Variants in DDX6 observed in about 807,000 individuals in gnomAD.
DDX6 encodes probable ATP-dependent RNA helicase DDX6.
In DDX6, 7 loss-of-function variants were observed where a neutral mutation model predicts 60.6. The observed-to-expected ratio is 0.12, with a 90% CI of 0.07 to 0.22. DDX6 has a LOEUF of 0.22. DDX6 is among the 10% of genes least tolerant of loss of function. The pLI, the probability that DDX6 is intolerant of heterozygous loss-of-function variation, is 1.00. For synonymous variants in DDX6, 207 were observed against 201.0 expected, an observed-to-expected ratio of 1.03 and a Z score of -0.25; for missense variants, 270 against 589.9, an observed-to-expected ratio of 0.46 and a Z score of 5.62.
At chr11:118,787,556 T>C (rs963169730) in intron 1 of DDX6, 1 of 151,896 alleles carries the variant, frequency 6.6e-6, no homozygotes, top group Non-Finnish European at 1.5e-5. Context: ...TCCCAGCTAC[T>C]TGGGAGGCTG....
chr11:118,780,328 T>C (rs1049347568), intron 3 of DDX6, among the ~76,000 whole-genome samples: 5 of 152,040 alleles, frequency 3.3e-5, no homozygotes, highest in Non-Finnish European at 7.4e-5. Flanking sequence ...CCTTCTTTTT[T>C]TCTTCGAGAG....
Position 118,748,832 on chromosome 11 carries a change from T to G in DDX6, c.*3273A>C, listed in dbSNP as rs185228198. Reference sequence around the variant, plus strand: ...TTTATACTCAAGGCTTTGTGCTGAGTTGTCGTTTGAACCAAGCATGATGTT... The same window carrying G: ...TTTATACTCAAGGCTTTGTGCTGAGGTGTCGTTTGAACCAAGCATGATGTT... On this transcript the variant is annotated 3_prime_UTR_variant, in exon 14 of 14. Coordinates refer to ENST00000534980, the MANE Select transcript of DDX6 (RefSeq NM_004397.6). The G allele has an allele frequency of 1.3e-5, 2 of 151,548 alleles. No individual in the cohort carries two copies. The highest frequency in any genetic ancestry group is 6.6e-5 in the Admixed American group (1 of 15,098). The allele number at this position is 151,548 out of a possible 1,614,324, so 9.4% of individuals were successfully genotyped here.
At chr11:118,763,488 G>A (rs1454031485) in intron 6 of DDX6, among the ~76,000 whole-genome samples, 182 bp from the exon 7 acceptor site, 8 of 134 alleles carry the variant, frequency 0.06, no homozygotes, top group Non-Finnish European at 0.1. Flanking sequence ...ACCGACATAC[G>A]TGCAGCCGTC....
rs1555156628 is a variant in DDX6 at position 118,749,356 on chromosome 11, AAG to A, written c.*2747_*2748del. 53 of 106,244 alleles carry A rather than the reference AAG, an allele frequency of 5.0e-4. No individual in the cohort carries two copies. The East Asian group carries it at 6.6e-3, about 13-fold the overall frequency. The allele number at this position is 106,244 out of a possible 1,614,324, so 6.6% of individuals were successfully genotyped here. On this transcript the variant is annotated 3_prime_UTR_variant, in exon 14 of 14. Transcript: ENST00000534980. Reference sequence around the variant, plus strand: ...GCTTATTATGAGGGCCCAAAAAAGAAAGAAAAAAAAAAAAAAAAAAAAAAAGA... The same window carrying A: ...GCTTATTATGAGGGCCCAAAAAAGAAAAAAAAAAAAAAAAAAAAAAAAAGA...
upstream of DDX6, chr11:118,791,378 C>A (rs1483249217): frequency 2.0e-5 from 3 of 152,144 alleles, no homozygotes; most frequent in Non-Finnish European, 4.4e-5. Context: ...GAGGGCCCTT[C>A]TCTCACACCG....
rs1555156920 is a variant in DDX6 at position 118,750,386 on chromosome 11, A to G, written c.*1719T>C. The stretch of plus-strand genomic sequence containing the variant: ...CACTATTGACTGTAAAGCATCTGCC[A>G]GCAATTTACAGTGCAAAATGACAGG... On this transcript the variant is annotated 3_prime_UTR_variant, in exon 14 of 14. Transcript: ENST00000534980. 6.6e-6 allele frequency: 1 copy of G among 152,228 alleles called. No homozygotes were observed. Among genetic ancestry groups the G allele is most frequent in the African/African-American group, 2.4e-5 (1 of 41,454 alleles). The allele number at this position is 152,228 out of a possible 1,614,324, so 9.4% of individuals were successfully genotyped here.
chr11:118,786,359 T>C lies in DDX6; in HGVS notation c.-108A>G. The C allele has an allele frequency of 6.2e-6, 6 of 964,878 alleles. No homozygotes were observed. The highest frequency in any genetic ancestry group is 9.0e-6 in the Non-Finnish European group (6 of 666,664). 59.8% of individuals were successfully genotyped at this position (964,878 alleles called of 1,614,324 possible). A position where few individuals can be genotyped will look rare whatever the true frequency, so the allele number is the denominator to read the frequency against. On this transcript the variant is annotated 5_prime_UTR_variant, in exon 2 of 14. Transcript: ENST00000534980. ...TCCAAAATGAAGAGATAAATATAAG[T>C]CTTGCTCAATAAATGAGTCCTTTAT...
At chr11:118,767,156 G>A (rs1200690716) in intron 5 of DDX6, among the ~76,000 whole-genome samples, 2 of 152,012 alleles carry the variant, frequency 1.3e-5, no homozygotes, top group African/African-American at 4.8e-5. Context: ...CCGAAGTGCT[G>A]GGATTACAGG....
chr11:118,766,969 T>G (rs1449281172), intron 5 of DDX6, among the ~76,000 whole-genome samples: 1 of 151,722 alleles, frequency 6.6e-6, no homozygotes, highest in Non-Finnish European at 1.5e-5. Flanking sequence ...GACTGCAACC[T>G]CCACCTCCCA....
chr11:118,779,751 A>G lies in DDX6; in HGVS notation c.265-15T>C, dbSNP rs782228558. On this transcript the variant is annotated splice_polypyrimidine_tract_variant and intron_variant, in intron 3 of 13. Coordinates refer to ENST00000534980, the MANE Select transcript of DDX6 (RefSeq NM_004397.6). ...GAGGTCACATCCTAGTCAAACAAAAAGGAACAATAAAAGAATAAATAACAC... is the reference window on the plus strand; with the variant it reads ...GAGGTCACATCCTAGTCAAACAAAAGGGAACAATAAAAGAATAAATAACAC... 6.5e-7 allele frequency: 1 copy of G among 1,549,740 alleles called. No homozygotes were observed. The highest frequency in any genetic ancestry group is 1.2e-5 in the South Asian group (1 of 85,400).
intron 2 of DDX6, 110 bp from the exon 3 acceptor site, chr11:118,781,294 T>C: frequency 1.5e-6 from 1 of 653,972 alleles, no homozygotes; most frequent in South Asian, 2.0e-5. Context: ...TTTAATATAT[T>C]CCATTTAATA....
At chr11:118,755,254 A>C in intron 12 of DDX6, 148 bp downstream of exon 12, 1 of 589,014 alleles carries the variant, frequency 1.7e-6, no homozygotes, top group Non-Finnish European at 3.0e-6. Context: ...GAAGAATTAG[A>C]AATTAGTCTT....
intron 12 of DDX6, 27 bp downstream of exon 12, chr11:118,755,375 C>T (rs1403932828): frequency 6.9e-7 from 1 of 1,442,656 alleles, no homozygotes; most frequent in Non-Finnish European, 9.7e-7. Context: ...GAACTTCTAC[C>T]AAGAATATCA....
chr11:118,780,243 A>T (rs1246864205), intron 3 of DDX6, among the ~76,000 whole-genome samples: 1 of 152,116 alleles, frequency 6.6e-6, no homozygotes, highest in African/African-American at 2.4e-5. Context: ...TTTCCTGAAG[A>T]AAAACCACTG....
At chr11:118,791,399 T>C (rs1862274715), upstream of DDX6, 2 of 152,022 alleles carry the variant, frequency 1.3e-5, no homozygotes, top group African/African-American at 2.4e-5. Context: ...ACGAGAAAAG[T>C]TCGAGGGGGA....
chr11:118,779,599 A>T (rs782282645), intron 4 of DDX6, 33 bp downstream of exon 4: 7 of 1,396,224 alleles, frequency 5.0e-6, no homozygotes, highest in Non-Finnish European at 7.0e-6. Context: ...TTGACACATA[A>T]CCTTACATAT....
In DDX6 at chr11:118,776,630, C is replaced by T. The variant is rs567944740; in HGVS notation, c.369+3002G>A. Among the ~76,000 whole-genome samples the T allele has an allele frequency of 4.6e-5, 7 of 152,076 alleles. No homozygotes were observed. In the East Asian group the frequency reaches 1.2e-3, roughly 25 times the overall value. Reference sequence around the variant, plus strand: ...CAGGCAGATCACAAGGTCAGGAGATCGAGACCATCCTGGCTAACATGGTGA... The same window carrying T: ...CAGGCAGATCACAAGGTCAGGAGATTGAGACCATCCTGGCTAACATGGTGA... On this transcript the variant is annotated intron_variant, in intron 4 of 13. Transcript: ENST00000534980.
chr11:118,791,288 A>G (rs1862271177), upstream of DDX6: 1 of 151,706 alleles, frequency 6.6e-6, no homozygotes, highest in African/African-American at 2.4e-5. Flanking sequence ...CGCCGCGGCT[A>G]TATTCGCCGC....
intron 2 of DDX6, 29 bp downstream of exon 2, chr11:118,786,023 G>A: frequency 1.9e-6 from 3 of 1,594,868 alleles, no homozygotes; most frequent in South Asian, 2.2e-5. Context: ...CCCCACAAGT[G>A]TTTATTAATA....
Sources: allele counts gnomAD v4.1 joint callset (sites outside exome capture counted in the v4.1 genomes callset), GRCh38; gene constraint gnomAD v4.1.1; transcripts MANE v1.5; gene names NCBI Gene and HGNC (gene_info 2026-07-23, HGNC 2026-07-21).